Variants in VTI1A observed in about 807,000 individuals in gnomAD.
VTI1A encodes vesicle transport through interaction with t-SNAREs homolog 1A.
Under a neutral mutation model 34.9 loss-of-function variants are expected in VTI1A, and 22 were observed. That is an observed-to-expected ratio of 0.63 (90% CI 0.45 to 0.90). The LOEUF is 0.90. VTI1A is among the 40% of genes least tolerant of loss of function. The pLI is 0.00. For missense variants in VTI1A, 268 were observed against 275.6 expected (o/e 0.97, Z 0.20); for synonymous variants, 87 against 97.3 (o/e 0.89, Z 0.62).
At chr10:112,702,632 G>T (rs969792043) in intron 7 of VTI1A, among the ~76,000 whole-genome samples, 4 of 152,208 alleles carry the variant, frequency 2.6e-5, no homozygotes, top group Non-Finnish European at 5.9e-5. Context: ...TGTCGCCCAG[G>T]CTGGAGTGCA....
In VTI1A at chr10:112,447,283, C is replaced by T. The variant is rs1231804345; in HGVS notation, c.-91C>T. On this transcript the variant is annotated 5_prime_UTR_variant, in exon 1 of 8. Coordinates refer to ENST00000393077, the MANE Select transcript of VTI1A (RefSeq NM_145206.4). ...CCGTTCTGCTCTCGGGGGCACCTTC[C>T]GGGGTTCCTAAGCCGCGGGGCCCCT... The T allele has an allele frequency of 7.8e-6, 11 of 1,416,614 alleles. No individual in the cohort carries two copies. The East Asian group carries it at 1.3e-4, about 16-fold the overall frequency. 87.8% of individuals were successfully genotyped at this position (1,416,614 alleles called of 1,614,324 possible).
chr10:112,664,476 A>C (rs572200448), intron 5 of VTI1A, among the ~76,000 whole-genome samples: 7 of 152,300 alleles, frequency 4.6e-5, no homozygotes, highest in African/African-American at 1.7e-4. Context: ...GTGGAGAGAC[A>C]TGATGCTTTC....
intron 7 of VTI1A, among the ~76,000 whole-genome samples, chr10:112,703,683 A>T (rs1185728768): frequency 6.6e-6 from 1 of 152,208 alleles, no homozygotes; most frequent in Non-Finnish European, 1.5e-5. Context: ...AGGAAAATGA[A>T]ACATCACATA....
intron 3 of VTI1A, among the ~76,000 whole-genome samples, chr10:112,494,966 T>C (rs1038590440): frequency 2.6e-5 from 4 of 152,174 alleles, no homozygotes; most frequent in Admixed American, 6.5e-5. Context: ...AAAACAGGCT[T>C]GGGAAGCTAA....
intron 7 of VTI1A, among the ~76,000 whole-genome samples, chr10:112,768,327 A>C (rs1263163514): frequency 1.3e-5 from 2 of 152,196 alleles, no homozygotes. Context: ...GCTTGGGATG[A>C]ATAGAGCAGG....
At chr10:112,461,881 C>G (rs2419633) in intron 2 of VTI1A, among the ~76,000 whole-genome samples, 1 of 152,242 alleles carries the variant, frequency 6.6e-6, no homozygotes, top group African/African-American at 2.4e-5. Context: ...CACTTGGCTA[C>G]TTTGTTTGTT....
chr10:112,604,609 T>G (rs1361897720), intron 5 of VTI1A, among the ~76,000 whole-genome samples: 1 of 152,234 alleles, frequency 6.6e-6, no homozygotes, highest in Non-Finnish European at 1.5e-5. Context: ...CAGATGTATC[T>G]CTGGTTCTAC....
chr10:112,542,946 C>G (rs529253165), intron 5 of VTI1A, among the ~76,000 whole-genome samples: 1 of 152,074 alleles, frequency 6.6e-6, no homozygotes, highest in African/African-American at 2.4e-5. Context: ...TGTGTCCTTG[C>G]GATAGTTTGC....
intron 7 of VTI1A, among the ~76,000 whole-genome samples, chr10:112,726,451 A>G (rs777092685): frequency 6.6e-6 from 1 of 152,180 alleles, no homozygotes; most frequent in Non-Finnish European, 1.5e-5. Flanking sequence ...CAGAACAACC[A>G]TGCTTTGAAA....
In VTI1A at chr10:112,569,927, A is replaced by G. The variant is rs531115015; in HGVS notation, c.427+31597A>G. Among the ~76,000 whole-genome samples, 150 of 152,220 alleles carry G rather than the reference A, an allele frequency of 9.9e-4. 1 individual carries two copies. The highest frequency in any genetic ancestry group is 9.3e-4 in the Non-Finnish European group (63 of 68,038). ...AAGAACCTGTGCTTTGAAACTTTAC[A>G]TGCCTATCTGCAAAGTCTGTTTTTC... is the stretch of plus-strand genomic sequence containing the variant. On this transcript the variant is annotated intron_variant, in intron 5 of 7. Transcript: ENST00000393077.
chr10:112,494,147 T>G (rs1848931746), intron 3 of VTI1A, among the ~76,000 whole-genome samples: 2 of 152,176 alleles, frequency 1.3e-5, no homozygotes, highest in Non-Finnish European at 2.9e-5. Context: ...TTATATTCTA[T>G]TATCTTTTGA....
At chr10:112,562,018 T>A (rs889323418) in intron 5 of VTI1A, among the ~76,000 whole-genome samples, 1 of 152,226 alleles carries the variant, frequency 6.6e-6, no homozygotes. Context: ...AACTTTTTTT[T>A]ATTTCATAAA....
chr10:112,646,592 C>T (rs1846794483), intron 5 of VTI1A, among the ~76,000 whole-genome samples: 1 of 151,798 alleles, frequency 6.6e-6, no homozygotes, highest in Admixed American at 6.6e-5. Flanking sequence ...CTGACTGCAA[C>T]CTCTGCCTCC....
chr10:112,844,939 T>G, the VTI1A span, among the ~76,000 whole-genome samples: 1 of 152,202 alleles, frequency 6.6e-6, no homozygotes, highest in African/African-American at 2.4e-5. Flanking sequence ...CTGCTCAAAA[T>G]GTACTTTGGA....
At chr10:112,710,276 C>T (rs1849367395) in intron 7 of VTI1A, among the ~76,000 whole-genome samples, 4 of 148,500 alleles carry the variant, frequency 2.7e-5, no homozygotes, top group Admixed American at 2.7e-4. Flanking sequence ...GGCATGCTCT[C>T]AGCTCGCTGC....
chr10:112,812,614 T>C (rs1195873767), intron 7 of VTI1A, among the ~76,000 whole-genome samples: 1 of 152,156 alleles, frequency 6.6e-6, no homozygotes, highest in Non-Finnish European at 1.5e-5. Flanking sequence ...GGGTATCACA[T>C]TTGCACAACT....
chr10:112,774,621 T>A (rs1851904282), intron 7 of VTI1A, among the ~76,000 whole-genome samples: 1 of 152,086 alleles, frequency 6.6e-6, no homozygotes, highest in African/African-American at 2.4e-5. Flanking sequence ...CTTTTTTTTT[T>A]AATGCCTCTA....
At chr10:112,594,186 C>A (rs949666906) in intron 5 of VTI1A, among the ~76,000 whole-genome samples, 11 of 152,112 alleles carry the variant, frequency 7.2e-5, no homozygotes, top group African/African-American at 2.4e-4. Context: ...GGATTACAGG[C>A]GTGAGCCACT....
chr10:112,809,991 T>G (rs912709677), intron 7 of VTI1A, among the ~76,000 whole-genome samples: 6 of 152,156 alleles, frequency 3.9e-5, no homozygotes, highest in African/African-American at 1.2e-4. Flanking sequence ...CTAAAAATGC[T>G]TTTTGGTCAT....
Sources: allele counts gnomAD v4.1 joint callset (sites outside exome capture counted in the v4.1 genomes callset), GRCh38; gene constraint gnomAD v4.1.1; transcripts MANE v1.5; gene names NCBI Gene and HGNC (gene_info 2026-07-23, HGNC 2026-07-21).